Variants in DIDO1 observed in about 807,000 individuals in gnomAD.
DIDO1 encodes death-inducer obliterator 1.
Under a neutral mutation model 99.4 loss-of-function variants are expected in DIDO1, and 16 were observed. The observed-to-expected ratio is 0.16, with a 90% CI of 0.11 to 0.24. The LOEUF is 0.24. DIDO1 is among the 10% of genes least tolerant of loss of function. The probability of loss-of-function intolerance (pLI) is 1.00; values close to 1 mark genes in which losing one functional copy is unlikely to be tolerated. For synonymous variants in DIDO1, 1,366 were observed against 1,239.1 expected (o/e 1.10, Z -2.15); for missense variants, 2,996 against 3,014.0 (o/e 0.99, Z 0.14).
chr20:62,920,082 T>TA lies in DIDO1; in HGVS notation c.-199-5677dup, dbSNP rs571783352. On this transcript the variant is annotated intron_variant, in intron 1 of 15. Transcript: ENST00000395343. Reference sequence around the variant, plus strand: ...TACATACCAGGATTCCTGTTGCTCTTAATAAAAGATTACCACTTGGGCCCT... The same window carrying TA: ...TACATACCAGGATTCCTGTTGCTCTTAAATAAAAGATTACCACTTGGGCCCT... Among the ~76,000 whole-genome samples the TA allele has an allele frequency of 1.3e-3, 197 of 152,344 alleles. 1 individual carries two copies. The highest frequency in any genetic ancestry group is 2.2e-3 in the Non-Finnish European group (152 of 68,032).
Position 62,880,327 on chromosome 20 carries a change from G to A in DIDO1, c.5629C>T (p.Pro1877Ser). The A allele has an allele frequency of 6.2e-7, 1 of 1,612,828 alleles. No homozygotes were observed. Among genetic ancestry groups the A allele is most frequent in the Non-Finnish European group, 8.5e-7 (1 of 1,179,998 alleles). Residue 1877 changes from proline (P) to serine (S), a missense_variant, in exon 16 of 16, where the codon CCA becomes TCA. This residue lies in a region of DIDO1 where 1,562 missense variants were observed against 1,412.6 expected (regional missense o/e 1.11). Transcript: ENST00000395343. ...GCGCCGCCTCTGCTTCCCAGAAATG[G>A]GGCTTGCTCTGTCCCTTCAAACTGG... ...PAQFEGTEQAPFLGSRGGAPF... is the reference protein window; with the variant it reads ...PAQFEGTEQASFLGSRGGAPF...
At chr20:62,884,167 C>T (rs910882847) in intron 15 of DIDO1, among the ~76,000 whole-genome samples, 9 of 151,806 alleles carry the variant, frequency 5.9e-5, no homozygotes, top group Non-Finnish European at 1.0e-4. Context: ...AGCAGGTGGA[C>T]GACGCGCACT....
At chr20:62,923,237 G>A (rs2065190172) in intron 1 of DIDO1, among the ~76,000 whole-genome samples, 1 of 152,034 alleles carries the variant, frequency 6.6e-6, no homozygotes, top group Non-Finnish European at 1.5e-5. Context: ...GTGCAGTGGT[G>A]CGGTCTCGGC....
rs748982027 is a variant in DIDO1 at position 62,891,103 on chromosome 20, T to C, written c.3398A>G (p.Tyr1133Cys). The change falls in exon 15 of 16, where the codon TAT (tyrosine) becomes TGT (cysteine). Residue 1133 changes from tyrosine (Y) to cysteine (C), a missense_variant. Physicochemically the swap from Tyr to Cys is radical, Grantham distance 194. Transcript: ENST00000395343. Reference protein sequence around the residue: ...HPATEEEEVAYISLYSYFSSR... With the variant: ...HPATEEEEVACISLYSYFSSR... ...GCTGAAATAGGAGTAGAGAGAGATA[T>C]AGGCGACCTCCTCTTCCTCTGTGGC... The C allele has an allele frequency of 3.7e-6, 6 of 1,614,108 alleles. No homozygotes were observed. The highest frequency in any genetic ancestry group is 2.2e-5 in the East Asian group (1 of 44,880).
chr20:62,922,419 C>G (rs2065172894), intron 1 of DIDO1, among the ~76,000 whole-genome samples: 1 of 151,962 alleles, frequency 6.6e-6, no homozygotes, highest in African/African-American at 2.4e-5. Flanking sequence ...CAGGACAAGC[C>G]CTCAGTTAAG....
At position 62,881,654 on chromosome 20, in the gene DIDO1, T is replaced by C; in HGVS notation, c.4302A>G (p.Leu1434=). 6.2e-7 allele frequency: 1 copy of C among 1,612,784 alleles called. No homozygotes were observed. The highest frequency in any genetic ancestry group is 8.5e-7 in the Non-Finnish European group (1 of 1,180,026). Residue 1434 remains leucine, a synonymous_variant, in exon 16 of 16, where the codon TTA becomes TTG. Coordinates refer to ENST00000395343, the MANE Select transcript of DIDO1 (RefSeq NM_001193369.2). This position sits in a 1 kb window ranked among gnomAD's most constrained non-coding sequence, Gnocchi z 8.3. ...VAYDPEDETI[L]EEAKVTVDDL... ...CATCAACAGTCACTTTCGCTTCTTC[T>C]AAGATGGTCTCATCCTCGGGGTCAT...
At chr20:62,895,356 AG>A (rs2064495524) in intron 8 of DIDO1, among the ~76,000 whole-genome samples, 191 bp from the exon 9 acceptor site, 1 of 152,158 alleles carries the variant, frequency 6.6e-6, no homozygotes. Flanking sequence ...GCCTTATGAG[AG>A]TGCGCCCCAG....
In DIDO1 at chr20:62,890,942, C is replaced by T; in HGVS notation, c.3541+18G>A. The stretch of plus-strand genomic sequence containing the variant: ...GGTGCAGGTGGGCCTCACCTCCACC[C>T]AGAAAGCCGGCGCTTACCTGGTCCC... On this transcript the variant is annotated intron_variant, in intron 15 of 15. Transcript: ENST00000395343. 1.2e-6 allele frequency: 2 copies of T among 1,613,142 alleles called. No homozygotes were observed. The highest frequency in any genetic ancestry group is 2.2e-5 in the South Asian group (2 of 91,026).
intron 15 of DIDO1, chr20:62,889,524 G>A (rs1449049333): frequency 1.0e-6 from 1 of 985,330 alleles, no homozygotes; most frequent in Non-Finnish European, 1.2e-6. Flanking sequence ...CCCCGGTAGG[G>A]AGGTGCTGAG....
rs1227485352 is a variant in DIDO1 at position 62,895,268 on chromosome 20, A to T, written c.2215-103T>A. 4 of 1,070,174 alleles carry T rather than the reference A, an allele frequency of 3.7e-6. No individual in the cohort carries two copies. In the African/African-American group the frequency reaches 6.2e-5, roughly 17 times the overall value. The allele number at this position is 1,070,174 out of a possible 1,614,324, so 66.3% of individuals were successfully genotyped here. ...TGCCCAGAAGTTTAGCGGGCACAGG[A>T]CAAAGGCCCTCAGGGCCCACTTGCG... On this transcript the variant is annotated intron_variant, in intron 8 of 15. Transcript: ENST00000395343.
intron 15 of DIDO1, chr20:62,887,291 A>C: frequency 1.4e-5 from 14 of 985,486 alleles, no homozygotes; most frequent in Non-Finnish European, 1.6e-5. Flanking sequence ...CTCTGATTAC[A>C]ATTTCCATGC....
At chr20:62,888,116 C>T (rs1293525880) in intron 15 of DIDO1, 3 of 985,502 alleles carry the variant, frequency 3.0e-6, no homozygotes, top group Non-Finnish European at 3.6e-6. Flanking sequence ...CCTGAGGGCA[C>T]AGCTGGGCAC....
At chr20:62,923,467 C>A (rs1274085924) in intron 1 of DIDO1, among the ~76,000 whole-genome samples, 3 of 152,194 alleles carry the variant, frequency 2.0e-5, no homozygotes, top group Admixed American at 6.5e-5. Flanking sequence ...ACCCACCATG[C>A]CCGGCCGGGA....
intron 1 of DIDO1, among the ~76,000 whole-genome samples, chr20:62,923,545 G>C (rs2065196131): frequency 6.6e-6 from 1 of 152,184 alleles, no homozygotes; most frequent in African/African-American, 2.4e-5. Context: ...CTGAGTGAGA[G>C]CCGCAGACAA....
At chr20:62,924,283 G>GAC (rs367594790) in intron 1 of DIDO1, among the ~76,000 whole-genome samples, 64 of 151,998 alleles carry the variant, frequency 4.2e-4, no homozygotes, top group African/African-American at 1.5e-3. Context: ...CTGCCAGAGA[G>GAC]ATGAGACCTC....
At chr20:62,917,868 C>T (rs2065067375) in intron 1 of DIDO1, among the ~76,000 whole-genome samples, 1 of 152,186 alleles carries the variant, frequency 6.6e-6, no homozygotes, top group African/African-American at 2.4e-5. Flanking sequence ...TACTATTAGA[C>T]TATTATTATG....
In DIDO1 at chr20:62,881,836, T is replaced by C; in HGVS notation, c.4120A>G (p.Lys1374Glu). Reference sequence around the variant, plus strand: ...TCGTCCTCCTCTTCCTCTAGAGCCTTATCTTTTGAGAACTGACCGAACTGC... The same window carrying C: ...TCGTCCTCCTCTTCCTCTAGAGCCTCATCTTTTGAGAACTGACCGAACTGC... ...VQQFGQFSKD[K>E]ALEEEEDDRP... Residue 1374 changes from lysine to glutamate, a missense_variant, in exon 16 of 16, where the codon AAG (lysine) becomes GAG (glutamate). By Grantham distance (56) the Lys-to-Glu change is moderately conservative. Around this residue, in one of 5 missense-constraint regions of DIDO1, gnomAD observed 1,562 missense variants for 1,412.6 expected, o/e 1.11. Coordinates refer to ENST00000395343, the MANE Select transcript of DIDO1 (RefSeq NM_001193369.2). This position sits in a 1 kb window ranked among gnomAD's most constrained non-coding sequence, Gnocchi z 8.3. 1 of 1,613,544 alleles carries C rather than the reference T, an allele frequency of 6.2e-7. No individual in the cohort carries two copies.
Position 62,879,938 on chromosome 20 carries a change from AG to A in DIDO1, c.6017del (p.Pro2006LeufsTer13). 6.2e-7 allele frequency: 1 copy of A among 1,600,254 alleles called. No homozygotes were observed. Among genetic ancestry groups the A allele is most frequent in the Non-Finnish European group, 8.5e-7 (1 of 1,175,038 alleles). ...CCTGGCCCTGGAAGTGAAATCGCGA[AG>A]GGGTCTGCTCATTTTTTTCAGAAAA... is the stretch of plus-strand genomic sequence containing the variant. ...APFSEKNEQTPSRFHFQGQAP... is the reference protein window; with the variant it reads ...APFSEKNEQTXSRFHFQGQAP... On this transcript the variant is annotated frameshift_variant, in exon 16 of 16. Transcript: ENST00000395343. LOFTEE classifies it low-confidence loss of function (END_TRUNC). This position sits in a 1 kb window ranked among gnomAD's most constrained non-coding sequence, Gnocchi z 6.3.
At position 62,880,585 on chromosome 20, in the gene DIDO1, C is replaced by T; in HGVS notation, c.5371G>A (p.Gly1791Arg). 1 of 1,612,914 alleles carries T rather than the reference C, an allele frequency of 6.2e-7. No homozygotes were observed. The highest frequency in any genetic ancestry group is 8.5e-7 in the Non-Finnish European group (1 of 1,179,996). The stretch of plus-strand genomic sequence containing the variant: ...CTGGCTGGCGGAGGCCCTCGTGGCC[C>T]ATCGTTAGAAGCGATATTCTCTTCT... ...FPEENIASNDGPRGPPPARFG... is the reference protein window; with the variant it reads ...FPEENIASNDRPRGPPPARFG... Residue 1791 changes from glycine to arginine, a missense_variant, in exon 16 of 16, where the codon GGG (glycine) becomes AGG (arginine). Coordinates refer to ENST00000395343, the MANE Select transcript of DIDO1 (RefSeq NM_001193369.2).
Sources: allele counts gnomAD v4.1 joint callset (sites outside exome capture counted in the v4.1 genomes callset), GRCh38; gene constraint gnomAD v4.1.1; regional missense constraint gnomAD v4.1.1; non-coding constraint Gnocchi (gnomAD v3.1); transcripts MANE v1.5; gene names NCBI Gene and HGNC (gene_info 2026-07-23, HGNC 2026-07-21).